Variants in SEMA6D observed in about 807,000 individuals in gnomAD.
SEMA6D encodes semaphorin-6D.
A neutral mutation model predicts 106.6 loss-of-function variants in SEMA6D; 35 were observed. That is an observed-to-expected ratio of 0.33 (90% CI 0.25 to 0.44). The LOEUF is 0.44. Among genes scored for constraint, SEMA6D ranks in the 20% least tolerant of loss-of-function variants. The pLI is 1.00. For synonymous variants in SEMA6D, 499 were observed against 487.7 expected (o/e 1.02, Z -0.31); for missense variants, 1,185 against 1,345.9 (o/e 0.88, Z 1.87).
chr15:47,222,388 C>T (rs1207035375), intron 1 of SEMA6D, among the ~76,000 whole-genome samples: 1 of 152,136 alleles, frequency 6.6e-6, no homozygotes, highest in Non-Finnish European at 1.5e-5. Flanking sequence ...TGTTTTCTTT[C>T]CAGATACCAC....
At chr15:47,425,998 G>A (rs1257780724) in intron 2 of SEMA6D, among the ~76,000 whole-genome samples, 1 of 151,932 alleles carries the variant, frequency 6.6e-6, no homozygotes, top group East Asian at 1.9e-4. Context: ...TAATAATTAG[G>A]GGAAATAGCC....
intron 1 of SEMA6D, among the ~76,000 whole-genome samples, chr15:47,344,189 A>AT (rs5812377): frequency 0.011 from 1,676 of 151,952 alleles, 13 homozygotes; most frequent in Non-Finnish European, 0.014. Context: ...CCTCACTTGG[A>AT]TTTTTTTTAC....
intron 2 of SEMA6D, among the ~76,000 whole-genome samples, chr15:47,440,310 A>G (rs1375108280): frequency 5.4e-5 from 3 of 55,652 alleles, no homozygotes; most frequent in African/African-American, 3.9e-4. Context: ...AGTAAAGCCA[A>G]ACAAAATGAC....
At chr15:47,622,207 A>G (rs2077117237) in intron 4 of SEMA6D, among the ~76,000 whole-genome samples, 1 of 151,848 alleles carries the variant, frequency 6.6e-6, no homozygotes, top group African/African-American at 2.4e-5. Context: ...CAGCCAAAAA[A>G]AAAAAAAAAA....
intron 3 of SEMA6D, among the ~76,000 whole-genome samples, chr15:47,548,952 C>A (rs2045603766): frequency 1.3e-5 from 2 of 151,930 alleles, no homozygotes; most frequent in Admixed American, 6.6e-5. Flanking sequence ...TTATTAATAG[C>A]AACAAGTGTA....
At chr15:47,732,728 T>G (rs1233070861) in intron 1 of SEMA6D, among the ~76,000 whole-genome samples, 1 of 152,204 alleles carries the variant, frequency 6.6e-6, no homozygotes, top group African/African-American at 2.4e-5. Context: ...GCCAGCAATG[T>G]TTTTCTGCAT....
chr15:47,670,568 T>A (rs2145381793), intron 4 of SEMA6D, among the ~76,000 whole-genome samples: 1 of 152,062 alleles, frequency 6.6e-6, no homozygotes, highest in East Asian at 1.9e-4. Context: ...AGACTCTCAA[T>A]GAAGCTTAGT....
rs557915627 is a variant in SEMA6D at position 47,730,852 on chromosome 15, C to A, written c.-55+13160C>A. On this transcript the variant is annotated intron_variant, in intron 1 of 18. Transcript: ENST00000536845. ...CTTAGGCCTTTGCTCAAACGGGATT[C>A]ACCACTTTCTTAGCCTCCTGCTTCT... The A allele has an allele frequency of 6.8e-6, 9 of 1,328,576 alleles. No individual in the cohort carries two copies. The South Asian group carries it at 1.1e-4, about 16-fold the overall frequency. The allele number at this position is 1,328,576 out of a possible 1,614,324, so 82.3% of individuals were successfully genotyped here.
intron 3 of SEMA6D, among the ~76,000 whole-genome samples, chr15:47,760,621 A>C (rs1328364186): frequency 6.6e-6 from 1 of 152,086 alleles, no homozygotes; most frequent in Non-Finnish European, 1.5e-5. Context: ...TATTACTGCC[A>C]TCAAGAAATC....
At chr15:47,273,466 G>A (rs569060727) in intron 1 of SEMA6D, among the ~76,000 whole-genome samples, 8 of 152,282 alleles carry the variant, frequency 5.3e-5, no homozygotes, top group African/African-American at 1.9e-4. Context: ...AGTGCTAATA[G>A]CTATATGAAA....
At chr15:47,479,192 T>G (rs939713240) in intron 3 of SEMA6D, among the ~76,000 whole-genome samples, 25 of 152,112 alleles carry the variant, frequency 1.6e-4, no homozygotes, top group African/African-American at 5.6e-4. Context: ...ATATATAATT[T>G]TTTTATTACC....
In SEMA6D at chr15:47,357,471, A is replaced by G. The variant is rs1480677809; in HGVS notation, c.-238-54922A>G. 2.0e-5 allele frequency among the ~76,000 whole-genome samples: 3 copies of G among 152,206 alleles called. No individual in the cohort carries two copies. The East Asian group carries it at 5.8e-4, about 29-fold the overall frequency. ...AGGAGCCTAAAATATGCTTAAATGT[A>G]TATGGTCCCACAATAGGTTGTCTGC... On this transcript the variant is annotated intron_variant, in intron 1 of 19. Coordinates refer to the SEMA6D transcript ENST00000558014.
intron 3 of SEMA6D, among the ~76,000 whole-genome samples, chr15:47,583,972 A>G (rs1351080673): frequency 1.3e-5 from 2 of 152,182 alleles, no homozygotes; most frequent in Admixed American, 6.5e-5. Context: ...TCCCACTGCA[A>G]CCAGCTCACA....
intron 1 of SEMA6D, among the ~76,000 whole-genome samples, chr15:47,346,324 C>T (rs754397871): frequency 2.6e-5 from 4 of 152,056 alleles, no homozygotes; most frequent in Non-Finnish European, 5.9e-5. Flanking sequence ...GTCAGGAGAC[C>T]AAGGGTTTTT....
In SEMA6D at chr15:47,631,313, T is replaced by G. The variant is rs1186261331; in HGVS notation, c.-55+30417T>G. Among the ~76,000 whole-genome samples the G allele has an allele frequency of 2.6e-5, 4 of 151,976 alleles. No homozygotes were observed. In the East Asian group the frequency reaches 7.7e-4, roughly 29 times the overall value. ...TGTCTGTGTTATTTTGGTTTGAGTT[T>G]TAGCAGTTTTTGGTTTTTGAAATCC... On this transcript the variant is annotated intron_variant, in intron 4 of 19. Transcript: ENST00000558014.
At chr15:47,292,752 A>G (rs1004113105) in intron 1 of SEMA6D, among the ~76,000 whole-genome samples, 2 of 152,234 alleles carry the variant, frequency 1.3e-5, no homozygotes, top group African/African-American at 4.8e-5. Flanking sequence ...GGTGTCATCC[A>G]TCCCAGGGCC....
At chr15:47,314,927 G>A (rs1233546054) in intron 1 of SEMA6D, among the ~76,000 whole-genome samples, 3 of 133,828 alleles carry the variant, frequency 2.2e-5, no homozygotes, top group African/African-American at 5.8e-5. Flanking sequence ...GTGCAGTGGC[G>A]CAATCTCGGC....
chr15:47,207,787 C>T (rs1895172690), intron 1 of SEMA6D, among the ~76,000 whole-genome samples: 1 of 152,072 alleles, frequency 6.6e-6, no homozygotes, highest in Non-Finnish European at 1.5e-5. Flanking sequence ...GGAGCAGTAC[C>T]TCCAGAATAA....
intron 1 of SEMA6D, among the ~76,000 whole-genome samples, chr15:47,355,774 A>G (rs80306450): frequency 0.03 from 4,580 of 152,320 alleles, 259 homozygotes; most frequent in African/African-American, 0.11. Context: ...CTAATGATTT[A>G]TATTATAACT....
Sources: gnomAD v4.1 joint callset for allele counts (sites outside exome capture counted in the v4.1 genomes callset) on GRCh38, gnomAD v4.1.1 for gene constraint, MANE v1.5 for transcripts, NCBI Gene and HGNC (gene_info 2026-07-23, HGNC 2026-07-21) for gene names.